WWOX: variants seen among roughly 807,000 people sequenced by gnomAD.
The protein encoded by WWOX is WW domain containing oxidoreductase.
A neutral mutation model predicts 46.2 loss-of-function variants in WWOX; 69 were observed. That is an observed-to-expected ratio of 1.49 (90% CI 1.23 to 1.82). The LOEUF (loss-of-function observed/expected upper bound fraction) is 1.82. Among genes scored for constraint, WWOX ranks in the 40% most tolerant of loss-of-function variants. The probability of loss-of-function intolerance (pLI) is 0.00; values close to 1 mark genes in which losing one functional copy is unlikely to be tolerated. For missense variants in WWOX, 919 were observed against 542.6 expected (o/e 1.69, Z -6.89); for synonymous variants, 359 against 202.6 (o/e 1.77, Z -6.56).
chr16:78,709,469 T>C (rs2048392927), intron 8 of WWOX, among the ~76,000 whole-genome samples: 2 of 152,170 alleles, frequency 1.3e-5, no homozygotes, highest in African/African-American at 4.8e-5. Context: ...ATTGGGATAT[T>C]ACCAGGGTAT....
At chr16:78,954,943 C>G (rs1023810454) in intron 8 of WWOX, among the ~76,000 whole-genome samples, 7 of 152,096 alleles carry the variant, frequency 4.6e-5, no homozygotes, top group African/African-American at 1.7e-4. Context: ...GCACGGGACA[C>G]CATGCCAGTC....
chr16:78,556,961 C>A (rs1289721340), intron 8 of WWOX, among the ~76,000 whole-genome samples: 1 of 152,052 alleles, frequency 6.6e-6, no homozygotes, highest in Non-Finnish European at 1.5e-5. Flanking sequence ...TCAGGTGATT[C>A]ACCCACCTCA....
At chr16:79,064,243 C>A (rs943232134) in intron 8 of WWOX, among the ~76,000 whole-genome samples, 1 of 152,088 alleles carries the variant, frequency 6.6e-6, no homozygotes, top group Non-Finnish European at 1.5e-5. Flanking sequence ...TAATACAAGG[C>A]AAAGAAAATA....
At chr16:78,426,787 C>A (rs1264758169) in intron 7 of WWOX, among the ~76,000 whole-genome samples, 2 of 152,152 alleles carry the variant, frequency 1.3e-5, no homozygotes, top group African/African-American at 4.8e-5. Context: ...CCTCAGCCTT[C>A]CAAGTAGCTG....
intron 8 of WWOX, among the ~76,000 whole-genome samples, chr16:78,877,798 T>G (rs1382957082): frequency 6.6e-6 from 1 of 152,152 alleles, no homozygotes; most frequent in East Asian, 1.9e-4. Flanking sequence ...GAAATATCCT[T>G]GGATGTATAA....
At chr16:78,456,632 T>G (rs61494777) in intron 8 of WWOX, among the ~76,000 whole-genome samples, 6,174 of 152,340 alleles carry the variant, frequency 0.041, 224 homozygotes, top group South Asian at 0.19. Context: ...TTAAAAATTC[T>G]GAATCTGTGG....
intron 8 of WWOX, among the ~76,000 whole-genome samples, chr16:78,709,181 G>A (rs933949171): frequency 1.3e-5 from 2 of 152,168 alleles, no homozygotes; most frequent in African/African-American, 4.8e-5. Flanking sequence ...GGAGAGAGGG[G>A]TTCTGTGTGT....
chr16:79,023,158 T>C (rs969286746), intron 8 of WWOX, among the ~76,000 whole-genome samples: 2 of 152,200 alleles, frequency 1.3e-5, no homozygotes, highest in Non-Finnish European at 2.9e-5. Context: ...TCATTAGATA[T>C]ATGCACACAC....
At chr16:79,058,465 A>G (rs2150544178) in intron 8 of WWOX, among the ~76,000 whole-genome samples, 1 of 152,152 alleles carries the variant, frequency 6.6e-6, no homozygotes, top group East Asian at 1.9e-4. Context: ...AGGAAGGAAG[A>G]GAGAGAGGGA....
chr16:78,509,947 A>G (rs1392906068), intron 8 of WWOX, among the ~76,000 whole-genome samples: 1 of 147,862 alleles, frequency 6.8e-6, no homozygotes, highest in Non-Finnish European at 1.5e-5. Context: ...AAAAAGAAAG[A>G]AAAATTAGCT....
At chr16:78,471,693 T>C (rs1935873681) in intron 8 of WWOX, among the ~76,000 whole-genome samples, 1 of 152,200 alleles carries the variant, frequency 6.6e-6, no homozygotes, top group South Asian at 2.1e-4. Flanking sequence ...TGGGCCACAT[T>C]GGTTGGAAGA....
chr16:78,869,718 C>G (rs898622556), intron 8 of WWOX, among the ~76,000 whole-genome samples: 1 of 152,196 alleles, frequency 6.6e-6, no homozygotes, highest in African/African-American at 2.4e-5. Context: ...TGAGCAAGAG[C>G]TGCTGAGTTG....
chr16:78,135,369 A>G (rs1597249849), intron 4 of WWOX, among the ~76,000 whole-genome samples: 1 of 152,190 alleles, frequency 6.6e-6, no homozygotes, highest in African/African-American at 2.4e-5. Flanking sequence ...TTGAATGTCT[A>G]ATAGAGTCTG....
chr16:78,105,026 C>T (rs373521648), intron 1 of WWOX, among the ~76,000 whole-genome samples: 4 of 152,206 alleles, frequency 2.6e-5, no homozygotes, highest in Non-Finnish European at 5.9e-5. Context: ...CAGCTGGTTC[C>T]GGATTCTTCC....
At chr16:78,384,652 G>C (rs907576708) in intron 5 of WWOX, among the ~76,000 whole-genome samples, 1 of 152,042 alleles carries the variant, frequency 6.6e-6, no homozygotes, top group Non-Finnish European at 1.5e-5. Flanking sequence ...ACCCACGTGT[G>C]GGCGTTTTCC....
chr16:79,176,316 T>C (rs776460072), intron 8 of WWOX, among the ~76,000 whole-genome samples: 1 of 152,220 alleles, frequency 6.6e-6, no homozygotes, highest in Non-Finnish European at 1.5e-5. Flanking sequence ...CCTGCTGATA[T>C]CTGCATCCAG....
intron 8 of WWOX, among the ~76,000 whole-genome samples, chr16:79,123,423 C>T (rs12444724): frequency 0.042 from 6,395 of 152,244 alleles, 234 homozygotes; most frequent in Non-Finnish European, 0.054. Context: ...ATGAGGGCAG[C>T]TGGGGAGTGA....
chr16:78,589,537 A>G (rs1425341646), intron 8 of WWOX, among the ~76,000 whole-genome samples: 1 of 152,172 alleles, frequency 6.6e-6, no homozygotes, highest in East Asian at 1.9e-4. Context: ...ACCTTGGCAG[A>G]ACCTGCAACT....
intron 5 of WWOX, among the ~76,000 whole-genome samples, chr16:78,305,134 C>T (rs1190707695): frequency 6.6e-6 from 1 of 152,156 alleles, no homozygotes. Flanking sequence ...TTGTGTAAAT[C>T]AAAGCTTCTC....
Sources: allele counts gnomAD v4.1 joint callset (sites outside exome capture counted in the v4.1 genomes callset), GRCh38; gene constraint gnomAD v4.1.1; transcripts MANE v1.5; gene names NCBI Gene and HGNC (gene_info 2026-07-23, HGNC 2026-07-21).